Variants in LRP1B observed in about 807,000 individuals in gnomAD.
LRP1B encodes the protein LDL receptor related protein 1B.
A neutral mutation model predicts 556.6 loss-of-function variants in LRP1B; 217 were observed. That is an observed-to-expected ratio of 0.39 (90% CI 0.35 to 0.44). LRP1B has a LOEUF of 0.44. Ranked by LOEUF, LRP1B falls within the 20% of genes least tolerant of loss-of-function variation. LRP1B has a pLI of 1.00. For synonymous variants in LRP1B, 2,047 were observed against 1,865.8 expected, an observed-to-expected ratio of 1.10 and a Z score of -2.50; for missense variants, 5,053 against 5,620.8, an observed-to-expected ratio of 0.90 and a Z score of 3.23.
At chr2:141,841,263 A>G (rs967900441) in intron 1 of LRP1B, among the ~76,000 whole-genome samples, 6 of 152,196 alleles carry the variant, frequency 3.9e-5, no homozygotes, top group Non-Finnish European at 5.9e-5. Flanking sequence ...TTTCCATAAT[A>G]AAATAACATG....
chr2:141,467,114 A>ATG (rs1682252048), intron 3 of LRP1B, among the ~76,000 whole-genome samples: 1 of 2,392 alleles, frequency 4.2e-4, no homozygotes, highest in African/African-American at 7.5e-4. Context: ...ATATATATAT[A>ATG]TATATATATC....
chr2:140,846,465 G>A (rs1692277265), intron 29 of LRP1B, among the ~76,000 whole-genome samples: 1 of 152,064 alleles, frequency 6.6e-6, no homozygotes, highest in African/African-American at 2.4e-5. Context: ...GCTGAGGAAG[G>A]AAAATCACTT....
chr2:141,950,595 G>T (rs1402123895), intron 1 of LRP1B, among the ~76,000 whole-genome samples: 6 of 152,226 alleles, frequency 3.9e-5, no homozygotes, highest in Non-Finnish European at 8.8e-5. Flanking sequence ...ATGTCAATTT[G>T]ATGAGCATTC....
chr2:141,765,244 T>G (rs966219960), intron 2 of LRP1B, among the ~76,000 whole-genome samples: 1 of 152,162 alleles, frequency 6.6e-6, no homozygotes, highest in African/African-American at 2.4e-5. Context: ...AGACAATACA[T>G]TTAAGATATT....
At chr2:141,103,095 T>A (rs78722924) in intron 7 of LRP1B, among the ~76,000 whole-genome samples, 12,006 of 152,014 alleles carry the variant, frequency 0.079, 584 homozygotes, top group South Asian at 0.14. Flanking sequence ...TGATCTATGC[T>A]GAAGTACATG....
chr2:140,543,964 G>A (rs1463345856), intron 43 of LRP1B, among the ~76,000 whole-genome samples: 3 of 151,878 alleles, frequency 2.0e-5, no homozygotes, highest in East Asian at 3.9e-4. Flanking sequence ...ATGAAAACAT[G>A]TACAAGAATC....
At chr2:141,169,136 A>T (rs79700219) in intron 7 of LRP1B, among the ~76,000 whole-genome samples, 1 of 151,602 alleles carries the variant, frequency 6.6e-6, no homozygotes, top group African/African-American at 2.4e-5. Flanking sequence ...AAATACAAAA[A>T]TTAGCTGGGT....
intron 6 of LRP1B, among the ~76,000 whole-genome samples, chr2:141,209,527 A>G (rs1425033131): frequency 6.6e-6 from 1 of 152,190 alleles, no homozygotes; most frequent in African/African-American, 2.4e-5. Context: ...AGAGCTTAAC[A>G]ATGTTTAATA....
intron 18 of LRP1B, among the ~76,000 whole-genome samples, chr2:140,954,351 TGGG>T (rs1179547103): frequency 6.6e-6 from 1 of 152,216 alleles, no homozygotes; most frequent in East Asian, 1.9e-4. Flanking sequence ...AACAATAAAA[TGGG>T]GACTCAGATA....
rs370713988 is a variant in LRP1B at position 140,935,342 on chromosome 2, A to T, written c.3137-12195T>A. 1.5e-3 allele frequency among the ~76,000 whole-genome samples: 222 copies of T among 152,266 alleles called. 7 individuals are homozygous for T. In the South Asian group the frequency reaches 0.045, roughly 31 times the overall value. Reference sequence around the variant, plus strand: ...ATATTTTGATATCTTTAAAGAGCTAAGCCTAAAAAGAAAATGAAAAGCCTT... The same window carrying T: ...ATATTTTGATATCTTTAAAGAGCTATGCCTAAAAAGAAAATGAAAAGCCTT... On this transcript the variant is annotated intron_variant, in intron 20 of 90. Coordinates refer to ENST00000389484, the MANE Select transcript of LRP1B (RefSeq NM_018557.3).
chr2:140,868,290 A>C, intron 25 of LRP1B, 27 bp from the exon 26 acceptor site: 1 of 1,504,504 alleles, frequency 6.6e-7, no homozygotes, highest in Non-Finnish European at 8.9e-7. Flanking sequence ...AAAAAGAAAT[A>C]ATACTATTGT....
At chr2:142,082,815 A>C (rs531868829) in intron 1 of LRP1B, among the ~76,000 whole-genome samples, 9 of 152,298 alleles carry the variant, frequency 5.9e-5, no homozygotes, top group African/African-American at 2.2e-4. Context: ...CAAAATAAAA[A>C]TATTTAGGGT....
intron 18 of LRP1B, among the ~76,000 whole-genome samples, chr2:140,964,898 G>A (rs1696155839): frequency 6.6e-6 from 1 of 152,110 alleles, no homozygotes; most frequent in South Asian, 2.1e-4. Context: ...AAGTCAAAGC[G>A]AGCTGAGACT....
At chr2:140,428,527 C>G (rs1418515722) in intron 66 of LRP1B, among the ~76,000 whole-genome samples, 6 of 152,184 alleles carry the variant, frequency 3.9e-5, no homozygotes, top group Non-Finnish European at 8.8e-5. Flanking sequence ...TTCAACTCAC[C>G]TGGCAGCCAC....
intron 18 of LRP1B, among the ~76,000 whole-genome samples, chr2:140,981,093 G>T (rs1322317429): frequency 6.6e-6 from 1 of 151,642 alleles, no homozygotes; most frequent in African/African-American, 2.4e-5. Context: ...GGACTTGGTG[G>T]GGGGAAAGCT....
chr2:140,783,606 T>C (rs747563909), intron 32 of LRP1B, among the ~76,000 whole-genome samples: 28 of 152,258 alleles, frequency 1.8e-4, no homozygotes, highest in Non-Finnish European at 3.5e-4. Flanking sequence ...AATGAAAATC[T>C]AGACCTGCAA....
intron 49 of LRP1B, 33 bp from the exon 50 acceptor site, chr2:140,517,044 AT>A: frequency 1.3e-6 from 2 of 1,489,126 alleles, no homozygotes; most frequent in Non-Finnish European, 1.9e-6. Context: ...AAACAATTTC[AT>A]TTTAGACTTC....
intron 5 of LRP1B, among the ~76,000 whole-genome samples, chr2:141,238,150 G>T (rs551702216): frequency 5.1e-4 from 78 of 152,204 alleles, no homozygotes; most frequent in African/African-American, 1.9e-3. Flanking sequence ...ATTAGAACTA[G>T]CAGACAGTCC....
intron 18 of LRP1B, among the ~76,000 whole-genome samples, chr2:140,953,243 A>G (rs890728808): frequency 1.2e-4 from 18 of 152,052 alleles, no homozygotes; most frequent in Non-Finnish European, 2.1e-4. Context: ...GGTGCGCACC[A>G]CCATGCAGGC....
Sources: allele counts gnomAD v4.1 joint callset (sites outside exome capture counted in the v4.1 genomes callset), GRCh38; gene constraint gnomAD v4.1.1; transcripts MANE v1.5; gene names NCBI Gene and HGNC (gene_info 2026-07-23, HGNC 2026-07-21).